Variants in C6orf163 observed in about 807,000 individuals in gnomAD.
The protein encoded by C6orf163 is chromosome 6 open reading frame 163, also known as uncharacterized protein C6orf163.
C6orf163 carries 22 observed loss-of-function variants against 28.4 expected under a neutral mutation model. The ratio of observed to expected loss-of-function variants is 0.78; its 90% CI spans 0.55 to 1.11. C6orf163 has a LOEUF of 1.11. C6orf163 is among the 50% of genes least tolerant of loss of function. The pLI, the probability that C6orf163 is intolerant of heterozygous loss-of-function variation, is 0.00. For missense variants in C6orf163, 342 were observed against 389.1 expected, an observed-to-expected ratio of 0.88 and a Z score of 1.02; for synonymous variants, 110 against 123.6, an observed-to-expected ratio of 0.89 and a Z score of 0.73.
chr6:87,352,200 G>A (rs1322817620), intron 3 of C6orf163, among the ~76,000 whole-genome samples: 2 of 152,120 alleles, frequency 1.3e-5, no homozygotes, highest in Admixed American at 1.3e-4. Flanking sequence ...GAGTAGTGTG[G>A]GGTTATTTCA....
chr6:87,348,202 T>C (rs1291199250), intron 1 of C6orf163: 1 of 983,798 alleles, frequency 1.0e-6, no homozygotes, highest in Non-Finnish European at 1.2e-6. Flanking sequence ...TGTCTGATAT[T>C]GCGTGGTCCT....
chr6:87,360,307 A>G (rs1378729530), intron 4 of C6orf163, among the ~76,000 whole-genome samples: 1 of 152,180 alleles, frequency 6.6e-6, no homozygotes, highest in East Asian at 1.9e-4. Flanking sequence ...TAATTTATGT[A>G]CATTGAAAAA....
chr6:87,362,479 A>G (rs1777595048), intron 4 of C6orf163, among the ~76,000 whole-genome samples: 1 of 152,220 alleles, frequency 6.6e-6, no homozygotes, highest in Non-Finnish European at 1.5e-5. Flanking sequence ...TCATCTGTAA[A>G]TAAGTAAATA....
chr6:87,350,988 C>CT (rs1462343969), intron 3 of C6orf163, among the ~76,000 whole-genome samples: 2 of 152,078 alleles, frequency 1.3e-5, no homozygotes, highest in Non-Finnish European at 2.9e-5. Context: ...TGATTGCATC[C>CT]TTTTTTCTAA....
At chr6:87,360,485 C>G (rs1489203913) in intron 4 of C6orf163, among the ~76,000 whole-genome samples, 2 of 151,206 alleles carry the variant, frequency 1.3e-5, no homozygotes, top group Non-Finnish European at 2.9e-5. Flanking sequence ...CAGCCTCCAC[C>G]TTCCAGGTTC....
intron 1 of C6orf163, among the ~76,000 whole-genome samples, chr6:87,345,940 ATT>A (rs140414756): frequency 1.4e-5 from 2 of 141,412 alleles, no homozygotes; most frequent in East Asian, 2.0e-4. Flanking sequence ...AAAAAAAAAA[ATT>A]TTAAAGTACC....
intron 3 of C6orf163, among the ~76,000 whole-genome samples, chr6:87,353,021 C>T (rs868587213): frequency 5.9e-5 from 9 of 152,132 alleles, no homozygotes; most frequent in African/African-American, 2.2e-4. Context: ...GGTCTCCTTA[C>T]ATTAAATAAG....
rs1273263212 is a variant in C6orf163 at position 87,365,101 on chromosome 6, T to A, written c.695T>A (p.Val232Glu). 6.4e-7 allele frequency: 1 copy of A among 1,551,718 alleles called. No homozygotes were observed. The highest frequency in any genetic ancestry group is 2.4e-5 in the East Asian group (1 of 40,906). ...GCTCAGAGGCAGAGGCAAGAAGAGG[T>A]ACAGGAAGTGCTTCAAGAAGCAGAG... ...GIAQRQRQEE[V>E]QEVLQEAEKT... The change falls in exon 5 of 5, where the codon GTA (valine) becomes GAA (glutamate). Residue 232 changes from valine to glutamate, a missense_variant. By Grantham distance (121) the Val-to-Glu change is moderately radical. Coordinates refer to ENST00000388923, the MANE Select transcript of C6orf163 (RefSeq NM_001010868.3).
At chr6:87,348,733 A>G in intron 1 of C6orf163, 79 bp from the exon 2 acceptor site, 1 of 1,506,880 alleles carries the variant, frequency 6.6e-7, no homozygotes, top group Non-Finnish European at 8.8e-7. Flanking sequence ...TAGCCCTCAT[A>G]AATAACTAGA....
intron 1 of C6orf163, chr6:87,348,462 A>T: frequency 2.0e-6 from 2 of 1,009,872 alleles, no homozygotes; most frequent in Non-Finnish European, 2.4e-6. Flanking sequence ...GGAGAGAGAG[A>T]GCTGTATAAT....
At chr6:87,358,367 G>A (rs1393653003) in intron 4 of C6orf163, 1 of 152,052 alleles carries the variant, frequency 6.6e-6, no homozygotes, top group Admixed American at 6.6e-5. Flanking sequence ...CAGCATTTTG[G>A]GAGGCTAAGG....
chr6:87,350,443 A>G lies in C6orf163; in HGVS notation c.293A>G (p.Asn98Ser). ...QAVEKALEEA[N>S]DRHKIEIQIL... ...GTGGAGAAAGCACTTGAAGAAGCAA[A>G]TGACAGACACAAAATTGAAATTCAG... is the stretch of plus-strand genomic sequence containing the variant. The change falls in exon 3 of 5, where the codon AAT becomes AGT. Residue 98 changes from asparagine to serine, a missense_variant. Transcript: ENST00000388923. 3 of 1,536,356 alleles carry G rather than the reference A, an allele frequency of 2.0e-6. No individual in the cohort carries two copies. Among genetic ancestry groups the G allele is most frequent in the Non-Finnish European group, 2.6e-6 (3 of 1,146,488 alleles).
chr6:87,345,327 CA>C (rs1311636702), intron 1 of C6orf163, 80 bp downstream of exon 1: 4 of 1,342,554 alleles, frequency 3.0e-6, no homozygotes, highest in Non-Finnish European at 3.9e-6. Context: ...AGACTTTTAT[CA>C]GCTTTTTTCT....
chr6:87,355,158 AC>A (rs1407437122), intron 3 of C6orf163, among the ~76,000 whole-genome samples: 1 of 152,242 alleles, frequency 6.6e-6, no homozygotes, highest in Non-Finnish European at 1.5e-5. Context: ...GAAGTGAGAA[AC>A]TGGCAGTCAG....
At chr6:87,363,436 G>A (rs888026622) in intron 4 of C6orf163, among the ~76,000 whole-genome samples, 3 of 151,376 alleles carry the variant, frequency 2.0e-5, no homozygotes, top group African/African-American at 7.3e-5. Context: ...ATGCTGGTGT[G>A]CTGCACCCAT....
chr6:87,361,799 A>G (rs150884207), intron 4 of C6orf163, among the ~76,000 whole-genome samples: 112 of 152,328 alleles, frequency 7.4e-4, no homozygotes, highest in African/African-American at 2.4e-3. Context: ...ATATGCTTGC[A>G]GTCACAGATT....
At position 87,348,200 on chromosome 6, in the gene C6orf163, A is replaced by G. The variant is rs1777357054; in HGVS notation, c.149-612A>G. 6.1e-6 allele frequency: 6 copies of G among 983,692 alleles called. No homozygotes were observed. In the African/African-American group the frequency reaches 1.0e-4, roughly 17 times the overall value. The allele number at this position is 983,692 out of a possible 1,614,324, so 60.9% of individuals were successfully genotyped here. A position where few individuals can be genotyped will look rare whatever the true frequency, so the allele number is the denominator to read the frequency against. On this transcript the variant is annotated intron_variant, in intron 1 of 4. Transcript: ENST00000388923. ...GTGGAAAAAGACCTGGCTGTCTGAT[A>G]TTGCGTGGTCCTCTAGCCTCTCTAG...
At chr6:87,362,421 G>A (rs1777594026) in intron 4 of C6orf163, among the ~76,000 whole-genome samples, 1 of 152,110 alleles carries the variant, frequency 6.6e-6, no homozygotes, top group African/African-American at 2.4e-5. Flanking sequence ...AGGTTGCAGT[G>A]AGCCAAGATG....
At chr6:87,345,940 A>AAAAAAAAAAT (rs869225279) in intron 1 of C6orf163, among the ~76,000 whole-genome samples, 3 of 141,342 alleles carry the variant, frequency 2.1e-5, no homozygotes, top group African/African-American at 8.0e-5. Context: ...AAAAAAAAAA[A>AAAAAAAAAAT]TTTTAAAGTA....
Sources: allele counts gnomAD v4.1 joint callset (sites outside exome capture counted in the v4.1 genomes callset), GRCh38; gene constraint gnomAD v4.1.1; transcripts MANE v1.5; gene names NCBI Gene and HGNC (gene_info 2026-07-23, HGNC 2026-07-21).